Variants in SLC12A5 observed in about 807,000 individuals in gnomAD.
The protein encoded by SLC12A5 is solute carrier family 12 member 5, also known as K-Cl cotransporter 2.
A neutral mutation model predicts 124.0 loss-of-function variants in SLC12A5; 18 were observed. The observed-to-expected ratio is 0.15, with a 90% CI of 0.10 to 0.22. The LOEUF is 0.22. Ranked by LOEUF, SLC12A5 falls within the 10% of genes least tolerant of loss-of-function variation. The pLI is 1.00. For missense variants in SLC12A5, 867 were observed against 1,478.7 expected, an observed-to-expected ratio of 0.59 and a Z score of 6.78; for synonymous variants, 589 against 568.0, an observed-to-expected ratio of 1.04 and a Z score of -0.53.
At chr20:46,023,225 G>A (rs1228265232) in intron 2 of SLC12A5, 1 of 397,830 alleles carries the variant, frequency 2.5e-6, no homozygotes, top group African/African-American at 2.1e-5. Flanking sequence ...CCTGGTTGTG[G>A]CCACTTGGAT....
Position 46,043,563 on chromosome 20 carries a change from G to T in SLC12A5, c.1238-70G>T, listed in dbSNP as rs926172896. 46 of 1,497,310 alleles carry T rather than the reference G, an allele frequency of 3.1e-5. No homozygotes were observed. The East Asian group carries it at 1.0e-3, about 34-fold the overall frequency. 92.8% of individuals were successfully genotyped at this position (1,497,310 alleles called of 1,614,324 possible). On this transcript the variant is annotated intron_variant, in intron 9 of 25. Coordinates refer to ENST00000243964, the MANE Select transcript of SLC12A5 (RefSeq NM_020708.5). ...CAGACTCACTGACCCTGAGGGTGGT[G>T]CCCTTTTTTCTCATCTGTCTGGTCT...
intron 1 of SLC12A5, chr20:46,022,063 A>T (rs2084360384): frequency 3.1e-6 from 2 of 652,282 alleles, no homozygotes; most frequent in Non-Finnish European, 4.2e-6. Context: ...GGGCCGCGGA[A>T]CGCAAAGTGT....
Position 46,057,742 on chromosome 20 carries a change from C to T in SLC12A5, c.*137C>T. 1.5e-6 allele frequency: 1 copy of T among 668,116 alleles called. No homozygotes were observed. Among genetic ancestry groups the T allele is most frequent in the South Asian group, 2.0e-5 (1 of 48,928 alleles). 41.4% of individuals were successfully genotyped at this position (668,116 alleles called of 1,614,324 possible). On this transcript the variant is annotated 3_prime_UTR_variant, in exon 26 of 26. Coordinates refer to ENST00000243964, the MANE Select transcript of SLC12A5 (RefSeq NM_020708.5). The surrounding 1 kb of genome is among the most constrained non-coding windows in gnomAD (Gnocchi z 7.1). ...GGCCCCTTACCCCGCTGCCTGAAGC[C>T]CGGAGGCCACGCCTGTTGGGGCTGA...
intron 8 of SLC12A5, 101 bp from the exon 9 acceptor site, chr20:46,043,052 G>A: frequency 8.9e-7 from 1 of 1,127,000 alleles, no homozygotes. Context: ...GTGAGATGGG[G>A]TTGATCTTGA....
At chr20:46,039,601 C>A (rs2084527592) in intron 6 of SLC12A5, among the ~76,000 whole-genome samples, 1 of 151,958 alleles carries the variant, frequency 6.6e-6, no homozygotes, top group Non-Finnish European at 1.5e-5. Context: ...ACGGTGAAAC[C>A]CCGTCTCTAC....
chr20:46,025,786 G>A (rs1235278461), upstream of SLC12A5, among the ~76,000 whole-genome samples: 1 of 152,170 alleles, frequency 6.6e-6, no homozygotes, highest in Admixed American at 6.5e-5. Flanking sequence ...ACAGTTTTGG[G>A]TCCGAGGATG....
upstream of SLC12A5, among the ~76,000 whole-genome samples, chr20:46,024,815 G>C (rs1032327761): frequency 6.6e-6 from 1 of 152,228 alleles, no homozygotes; most frequent in East Asian, 1.9e-4. Context: ...TGGTGACTTG[G>C]ATGAACAGAA....
chr20:46,052,094 C>T (rs1201985175), intron 18 of SLC12A5, among the ~76,000 whole-genome samples: 1 of 152,162 alleles, frequency 6.6e-6, no homozygotes, highest in African/African-American at 2.4e-5. Flanking sequence ...GCTCCTGCAG[C>T]GCTCACAGGC....
rs765583278 is a variant in SLC12A5, at chr20:46,036,865, G to A, written c.481+70G>A. 5 of 1,574,082 alleles carry A rather than the reference G, an allele frequency of 3.2e-6. No individual in the cohort carries two copies. The East Asian group carries it at 9.0e-5, about 28-fold the overall frequency. ...AGGAGGGATAGTGCCCTGGGCTTTG[G>A]GGGACATCAAGGCCCAAGAGAGATA... On this transcript the variant is annotated intron_variant, in intron 5 of 25. Coordinates refer to ENST00000243964, the MANE Select transcript of SLC12A5 (RefSeq NM_020708.5).
Position 46,056,436 on chromosome 20 carries a change from G to GGGGGAAGGGGAGACAGATCC in SLC12A5, c.2985_3004dup (p.Glu1002GlyfsTer41). On this transcript the variant is annotated frameshift_variant, in exon 23 of 26. Transcript: ENST00000243964. LOFTEE classifies it high-confidence loss of function. The surrounding 1 kb of genome is among the most constrained non-coding windows in gnomAD (Gnocchi z 4.3). ...CCCCGTCCCCAGGGGAGGAGCCTGA[G>GGGGGAAGGGGAGACAGATCC]GGGGAAGGGGAGACAGATCCGGAGA... is the stretch of plus-strand genomic sequence containing the variant. 1 of 1,614,094 alleles carries GGGGGAAGGGGAGACAGATCC rather than the reference G, an allele frequency of 6.2e-7. No homozygotes were observed. Among genetic ancestry groups the GGGGGAAGGGGAGACAGATCC allele is most frequent in the Non-Finnish European group, 8.5e-7 (1 of 1,179,962 alleles).
chr20:46,029,403 T>C lies in SLC12A5; in HGVS notation c.52+7T>C. The C allele has an allele frequency of 6.5e-7, 1 of 1,528,682 alleles. No homozygotes were observed. The highest frequency in any genetic ancestry group is 8.8e-7 in the Non-Finnish European group (1 of 1,136,076). The allele number at this position is 1,528,682 out of a possible 1,614,324, so 94.7% of individuals were successfully genotyped here. On this transcript the variant is annotated splice_region_variant and intron_variant, in intron 1 of 25. Transcript: ENST00000243964. ...GATGGGGGAGCCAACCCGGGTAAGC[T>C]GTGGTCCGGGGGCGGCGGGGGAGGG...
In SLC12A5 at chr20:46,029,298, G is replaced by T; in HGVS notation, c.-47G>T. 1 of 1,513,860 alleles carries T rather than the reference G, an allele frequency of 6.6e-7. No homozygotes were observed. Among genetic ancestry groups the T allele is most frequent in the Non-Finnish European group, 8.8e-7 (1 of 1,131,298 alleles). 93.8% of individuals were successfully genotyped at this position (1,513,860 alleles called of 1,614,324 possible). ...GCGGCGAAGGCGGGTAGAGGGGCGC[G>T]GGCGAGGCGGCGCAGCCATCCCCGG... On this transcript the variant is annotated 5_prime_UTR_variant, in exon 1 of 26. Transcript: ENST00000243964.
chr20:46,056,705 A>C lies in SLC12A5; in HGVS notation c.3110+141A>C, dbSNP rs374791723. The C allele has an allele frequency of 6.3e-5, 72 of 1,140,144 alleles. No homozygotes were observed. The African/African-American group carries it at 9.9e-4, about 16-fold the overall frequency. The allele number at this position is 1,140,144 out of a possible 1,614,324, so 70.6% of individuals were successfully genotyped here. On this transcript the variant is annotated intron_variant, in intron 23 of 25. Transcript: ENST00000243964. The surrounding 1 kb of genome is among the most constrained non-coding windows in gnomAD (Gnocchi z 4.3). ...GACATTGTCTTGGTTTCTCCATCTGAGGACTTAGGGGGTTGGGCCCCATTG... is the reference window on the plus strand; with the variant it reads ...GACATTGTCTTGGTTTCTCCATCTGCGGACTTAGGGGGTTGGGCCCCATTG...
intron 11 of SLC12A5, chr20:46,044,657 T>G: frequency 2.6e-6 from 1 of 383,210 alleles, no homozygotes; most frequent in Non-Finnish European, 4.8e-6. Flanking sequence ...CCGGGTGGTG[T>G]AGGAGGTCCT....
At chr20:46,039,786 CA>C (rs1410605265) in intron 6 of SLC12A5, among the ~76,000 whole-genome samples, 1 of 150,160 alleles carries the variant, frequency 6.7e-6, no homozygotes, top group African/African-American at 2.5e-5. Flanking sequence ...AAAAAAAAAA[CA>C]AAAAAACCAC....
In SLC12A5 at chr20:46,053,475, G is replaced by A; in HGVS notation, c.2548-103G>A. On this transcript the variant is annotated intron_variant, in intron 19 of 25. Coordinates refer to ENST00000243964, the MANE Select transcript of SLC12A5 (RefSeq NM_020708.5). The surrounding 1 kb of genome is among the most constrained non-coding windows in gnomAD (Gnocchi z 4.7). ...ATTTGGGGTCTGCATGTATGTGTGA[G>A]GAGTGGGTGGGAAGAGGGGAAGGGT... is the stretch of plus-strand genomic sequence containing the variant. The A allele has an allele frequency of 6.7e-7, 1 of 1,487,254 alleles. No homozygotes were observed. The highest frequency in any genetic ancestry group is 9.2e-7 in the Non-Finnish European group (1 of 1,086,688). 92.1% of individuals were successfully genotyped at this position (1,487,254 alleles called of 1,614,324 possible).
rs2084489033 is a variant in SLC12A5 at position 46,035,466 on chromosome 20, C to T, written c.210C>T (p.Asn70=). The T allele has an allele frequency of 6.2e-7, 1 of 1,613,930 alleles. No individual in the cohort carries two copies. The highest frequency in any genetic ancestry group is 1.3e-5 in the African/African-American group (1 of 74,946). The part of the protein sequence containing the change: ...SLLSGLANYT[N]LPQGSREHEE... ...TCAGTGGCCTGGCCAACTACACCAA[C>T]CTGCCCCAGGGAAGTAGGGAGCATG... is the stretch of plus-strand genomic sequence containing the variant. The change falls in exon 3 of 26, where the codon AAC becomes AAT. Residue 70 remains asparagine, a synonymous_variant. Coordinates refer to ENST00000243964, the MANE Select transcript of SLC12A5 (RefSeq NM_020708.5).
rs561188651 is a variant in SLC12A5 at position 46,035,740 on chromosome 20, T to G, written c.280-37T>G. 86 of 1,588,446 alleles carry G rather than the reference T, an allele frequency of 5.4e-5. No homozygotes were observed. In the Middle Eastern group the frequency reaches 1.5e-3, roughly 28 times the overall value. ...AGCACACCTGGGGTGTTCGTAATGA[T>G]GAGGACTGCAGAGACTGATGCTGGC... On this transcript the variant is annotated intron_variant, in intron 3 of 25. Coordinates refer to ENST00000243964, the MANE Select transcript of SLC12A5 (RefSeq NM_020708.5).
intron 15 of SLC12A5, among the ~76,000 whole-genome samples, 170 bp downstream of exon 15, chr20:46,047,743 TG>T (rs567842250): frequency 6.6e-6 from 1 of 150,574 alleles, no homozygotes; most frequent in African/African-American, 2.4e-5. Flanking sequence ...CATTGGAAGA[TG>T]GGGGGTGGGA....
Sources: allele counts gnomAD v4.1 joint callset (sites outside exome capture counted in the v4.1 genomes callset), GRCh38; gene constraint gnomAD v4.1.1; non-coding constraint Gnocchi (gnomAD v3.1); transcripts MANE v1.5; gene names NCBI Gene and HGNC (gene_info 2026-07-23, HGNC 2026-07-21).